The following SPG7 variants were observed in gnomAD, a reference collection of about 807,000 sequenced individuals.
SPG7 encodes the protein mitochondrial inner membrane m-AAA protease component paraplegin.
SPG7 carries 103 observed loss-of-function variants against 81.9 expected under a neutral mutation model. That is an observed-to-expected ratio of 1.26 (90% CI 1.07 to 1.48). SPG7 has a LOEUF of 1.48. SPG7 is among the 40% of genes most tolerant of loss of function. SPG7 has a pLI of 0.00. For missense variants in SPG7, 1,241 were observed against 1,087.3 expected, an observed-to-expected ratio of 1.14 and a Z score of -1.99; for synonymous variants, 534 against 444.2, an observed-to-expected ratio of 1.20 and a Z score of -2.54.
intron 12 of SPG7, chr16:89,548,980 G>T (rs1450645672): frequency 2.2e-6 from 1 of 455,208 alleles, no homozygotes; most frequent in Non-Finnish European, 4.4e-6. Context: ...CCTCTTGCAG[G>T]TCCCCAGGGC....
In SPG7 at chr16:89,511,547, G is replaced by A. The variant is rs1050457883; in HGVS notation, c.286+955G>A. Among the ~76,000 whole-genome samples, 3 of 152,254 alleles carry A rather than the reference G, an allele frequency of 2.0e-5. No individual in the cohort carries two copies. In the East Asian group the frequency reaches 5.8e-4, roughly 29 times the overall value. ...TGCATCAGCAACTGGCTCATCTGCT[G>A]TCAGTGTTTAACGTCAGCTCACGGG... On this transcript the variant is annotated intron_variant, in intron 2 of 16. Transcript: ENST00000645818.
At chr16:89,553,617 C>A in intron 14 of SPG7, 177 bp from the exon 15 acceptor site, 1 of 626,048 alleles carries the variant, frequency 1.6e-6, no homozygotes, top group Non-Finnish European at 2.8e-6. Flanking sequence ...TTTTAAGACT[C>A]TCTTAAGGAA....
intron 10 of SPG7, 84 bp from the exon 11 acceptor site, chr16:89,546,574 C>G (rs573644022): frequency 4.9e-5 from 35 of 718,850 alleles, no homozygotes; most frequent in Admixed American, 2.8e-4. Flanking sequence ...CTTGGGGACC[C>G]CCCCCCCCCA....
At chr16:89,509,068 A>C in intron 1 of SPG7, 1 of 416,244 alleles carries the variant, frequency 2.4e-6, no homozygotes, top group Non-Finnish European at 4.9e-6. Context: ...TGCTGTTGTC[A>C]TGTAGCTCGG....
intron 16 of SPG7, chr16:89,555,711 G>A (rs950803422): frequency 2.5e-6 from 1 of 397,344 alleles, no homozygotes; most frequent in African/African-American, 2.1e-5. Flanking sequence ...ATTGTCTGAT[G>A]TGTTTCTCAC....
intron 3 of SPG7, chr16:89,514,664 C>T (rs2058070871): frequency 6.6e-6 from 1 of 152,104 alleles, no homozygotes; most frequent in South Asian, 2.1e-4. Context: ...CCGCACCCGG[C>T]TAATTTTTTT....
chr16:89,540,711 G>C (rs1053745939), intron 9 of SPG7: 9 of 187,822 alleles, frequency 4.8e-5, no homozygotes, highest in Non-Finnish European at 8.9e-5. Flanking sequence ...GAAACAGTTT[G>C]GCAGCTTCTT....
intron 9 of SPG7, among the ~76,000 whole-genome samples, chr16:89,542,685 G>A (rs1567924228): frequency 6.6e-6 from 1 of 152,142 alleles, no homozygotes; most frequent in Non-Finnish European, 1.5e-5. Context: ...AGTGGCCCTG[G>A]AGAAGCTGGT....
chr16:89,540,525 A>G (rs2058480950), intron 9 of SPG7: 1 of 152,166 alleles, frequency 6.6e-6, no homozygotes, highest in Non-Finnish European at 1.5e-5. Flanking sequence ...GTTCGAGGCT[A>G]CAGGGAGCCG....
At chr16:89,554,081 G>A in intron 15 of SPG7, 121 bp downstream of exon 15, 1 of 1,035,102 alleles carries the variant, frequency 9.7e-7, no homozygotes, top group Non-Finnish European at 1.4e-6. Flanking sequence ...CCCCACCTGG[G>A]TTTCTTCCTT....
At chr16:89,532,958 T>G in intron 9 of SPG7, 1 of 381,478 alleles carries the variant, frequency 2.6e-6, no homozygotes, top group South Asian at 2.2e-5. Flanking sequence ...TGGCAGGTGC[T>G]TATAATCGCT....
intron 12 of SPG7, 104 bp downstream of exon 12, chr16:89,548,217 G>A: frequency 1.3e-6 from 1 of 785,718 alleles, no homozygotes; most frequent in South Asian, 1.4e-5. Flanking sequence ...CCATCACACA[G>A]GAAGGAACAC....
At chr16:89,546,462 G>A in intron 10 of SPG7, 196 bp from the exon 11 acceptor site, 1 of 580,450 alleles carries the variant, frequency 1.7e-6, no homozygotes, top group Admixed American at 2.3e-5. Flanking sequence ...TGGATCACTT[G>A]AAGCCAGGAG....
chr16:89,517,616 C>CT (rs11318359), intron 3 of SPG7: 4,416 of 130,268 alleles, frequency 0.034, 200 homozygotes, highest in African/African-American at 0.075. Context: ...TTGTCGTCGT[C>CT]TTTTTTTTTT....
chr16:89,554,169 G>C (rs1480941652), intron 15 of SPG7, among the ~76,000 whole-genome samples: 2 of 152,170 alleles, frequency 1.3e-5, no homozygotes, highest in Non-Finnish European at 2.9e-5. Context: ...TGAAATTATA[G>C]ATGTGAATCT....
At chr16:89,535,461 C>T (rs1427083338) in intron 9 of SPG7, among the ~76,000 whole-genome samples, 1 of 152,210 alleles carries the variant, frequency 6.6e-6, no homozygotes, top group African/African-American at 2.4e-5. Context: ...TCACACCTCT[C>T]CTGCTGCTTG....
intron 16 of SPG7, chr16:89,555,987 C>A (rs984100335): frequency 1.0e-5 from 4 of 398,684 alleles, no homozygotes; most frequent in African/African-American, 8.2e-5. Flanking sequence ...CCGGCTGAAG[C>A]AGGCCTGCCT....
rs570475662 is a variant in SPG7, at chr16:89,510,523, G to A, written c.217G>A (p.Glu73Lys). 3.2e-6 allele frequency: 5 copies of A among 1,574,238 alleles called. No individual in the cohort carries two copies. Among genetic ancestry groups the A allele is most frequent in the Middle Eastern group, 1.7e-4 (1 of 5,934 alleles). Residue 73 changes from glutamate (E) to lysine (K), a missense_variant, in exon 2 of 17, where the codon GAA (glutamate) becomes AAA (lysine). Glu to Lys is a moderately conservative substitution (Grantham distance 56). Coordinates refer to ENST00000645818, the MANE Select transcript of SPG7 (RefSeq NM_003119.4). ...LQLRLLTPTF[E>K]GINGLLLKQH... ...ATTGAGACTGCTAACCCCTACCTTT[G>A]AAGGGATCAACGGATTGTTGTTGAA...
At chr16:89,527,501 A>G (rs2058280383) in intron 5 of SPG7, 1 of 152,238 alleles carries the variant, frequency 6.6e-6, no homozygotes, top group African/African-American at 2.4e-5. Context: ...GCAAGGCAAG[A>G]TCAGCCTAGC....
Sources: gnomAD v4.1 joint callset for allele counts (sites outside exome capture counted in the v4.1 genomes callset) on GRCh38, gnomAD v4.1.1 for gene constraint, MANE v1.5 for transcripts, NCBI Gene and HGNC (gene_info 2026-07-23, HGNC 2026-07-21) for gene names.